NXN: variants seen among roughly 807,000 people sequenced by gnomAD.
NXN encodes the protein nucleoredoxin 1.
In NXN, 16 loss-of-function variants were observed where a neutral mutation model predicts 48.6. That is an observed-to-expected ratio of 0.33 (90% confidence interval 0.22 to 0.50). The LOEUF (loss-of-function observed/expected upper bound fraction) is 0.50, where lower values mean the gene tolerates loss of function less well. NXN is among the 20% of genes least tolerant of loss of function. NXN has a pLI of 0.98. For synonymous variants in NXN, 281 were observed against 269.6 expected, an observed-to-expected ratio of 1.04 and a Z score of -0.41; for missense variants, 492 against 605.5, an observed-to-expected ratio of 0.81 and a Z score of 1.97.
intron 1 of NXN, among the ~76,000 whole-genome samples, chr17:961,584 C>CA (rs1477199570): frequency 6.6e-6 from 1 of 152,106 alleles, no homozygotes; most frequent in Non-Finnish European, 1.5e-5. Flanking sequence ...ACAGGATGTA[C>CA]ATTTCATCTG....
At chr17:850,141 A>T (rs2067908382) in intron 1 of NXN, among the ~76,000 whole-genome samples, 1 of 152,176 alleles carries the variant, frequency 6.6e-6, no homozygotes, top group Non-Finnish European at 1.5e-5. Context: ...GCACATCACT[A>T]AATCCTCACT....
intron 1 of NXN, among the ~76,000 whole-genome samples, chr17:829,444 C>A (rs1022944487): frequency 2.7e-5 from 4 of 149,514 alleles, no homozygotes; most frequent in African/African-American, 9.9e-5. Flanking sequence ...TGTGAGCCAC[C>A]GTGCTCGGAC....
intron 1 of NXN, among the ~76,000 whole-genome samples, chr17:903,364 C>A (rs573011241): frequency 6.6e-6 from 1 of 151,846 alleles, no homozygotes; most frequent in South Asian, 2.1e-4. Flanking sequence ...CGCCACCATG[C>A]CCAGTCTCTG....
At chr17:802,806 T>G (rs1911273968) in intron 7 of NXN, among the ~76,000 whole-genome samples, 1 of 152,188 alleles carries the variant, frequency 6.6e-6, no homozygotes, top group African/African-American at 2.4e-5. Context: ...GGTGTCTGGC[T>G]GCCGCCTGCC....
intron 1 of NXN, among the ~76,000 whole-genome samples, chr17:969,931 C>T (rs935022650): frequency 5.3e-5 from 8 of 152,154 alleles, no homozygotes; most frequent in Non-Finnish European, 1.0e-4. Flanking sequence ...GTAGAAACAG[C>T]ACTTGAATTT....
At position 880,545 on chromosome 17, in the gene NXN, G is replaced by A. The variant is rs113370263; in HGVS notation, c.361-54467C>T. Among the ~76,000 whole-genome samples, 878 of 152,236 alleles carry A rather than the reference G, an allele frequency of 5.8e-3. 17 individuals carry two copies. The highest frequency in any genetic ancestry group is 0.02 in the African/African-American group (839 of 41,526). On this transcript the variant is annotated intron_variant, in intron 1 of 7. Transcript: ENST00000336868. ...ACATGTGGTCAAGTTAAAAAAGATC[G>A]TTTGAACCTAGCTCAGCCAGGCCAG...
At chr17:872,307 GGAGAGA>G (rs145558544) in intron 1 of NXN, among the ~76,000 whole-genome samples, 2 of 147,746 alleles carry the variant, frequency 1.4e-5, no homozygotes, top group East Asian at 2.0e-4. Context: ...TCAAAGACTA[GGAGAGA>G]GAGAGAGAGA....
chr17:890,090 T>C (rs1182352730), intron 1 of NXN, among the ~76,000 whole-genome samples: 1 of 152,038 alleles, frequency 6.6e-6, no homozygotes, highest in Non-Finnish European at 1.5e-5. Context: ...GGATCTTAAT[T>C]AAACAGTATC....
rs761348785 is a variant in NXN, at chr17:870,847, T to TTTTATTTA, written c.361-44777_361-44770dup. ...CTCTCACACTTCTGGTGCTACATGCTTTTATTTATTTATTTATTTATTTAT... is the reference window on the plus strand; with the variant it reads ...CTCTCACACTTCTGGTGCTACATGCTTTTATTTATTTATTTATTTATTTATTTATTTAT... On this transcript the variant is annotated intron_variant, in intron 1 of 7. Transcript: ENST00000336868. 1.0e-3 allele frequency among the ~76,000 whole-genome samples: 152 copies of TTTTATTTA among 151,628 alleles called. 2 individuals are homozygous for TTTTATTTA. In the South Asian group the frequency reaches 0.017, roughly 17 times the overall value.
At chr17:841,533 G>A (rs74842871) in intron 1 of NXN, among the ~76,000 whole-genome samples, 988 of 19,332 alleles carry the variant, frequency 0.051, 69 homozygotes, top group Middle Eastern at 0.094. Flanking sequence ...CCCCGACCAT[G>A]GAGCATCTCA....
Position 898,966 on chromosome 17 carries a change from CT to C in NXN, c.361-72889del, listed in dbSNP as rs1374415387. On this transcript the variant is annotated intron_variant, in intron 1 of 7. Transcript: ENST00000336868. ...CTCTGTGCATGCTTTTTTTTTTTTTCTTTTTTTTTGAGACAGAGCCTTGCTC... is the reference window on the plus strand; with the variant it reads ...CTCTGTGCATGCTTTTTTTTTTTTTCTTTTTTTTGAGACAGAGCCTTGCTC... Among the ~76,000 whole-genome samples, 3 of 36,410 alleles carry C rather than the reference CT, an allele frequency of 8.2e-5. 1 individual carries two copies. The highest frequency in any genetic ancestry group is 1.1e-4 in the African/African-American group (2 of 18,148). The allele number at this position is 36,410 out of a possible 152,430, so 23.9% of individuals were successfully genotyped here.
At chr17:813,600 T>G (rs1221829435) in intron 5 of NXN, among the ~76,000 whole-genome samples, 1 of 152,252 alleles carries the variant, frequency 6.6e-6, no homozygotes, top group Non-Finnish European at 1.5e-5. Flanking sequence ...ATCAAACTCA[T>G]GCCACTGACG....
At chr17:828,051 C>G (rs143955847) in intron 1 of NXN, among the ~76,000 whole-genome samples, 66 of 152,292 alleles carry the variant, frequency 4.3e-4, no homozygotes, top group African/African-American at 1.6e-3. Context: ...GGGGGGCTTA[C>G]AAAACCAGCC....
At chr17:975,023 C>T (rs1389399850) in intron 1 of NXN, among the ~76,000 whole-genome samples, 1 of 151,998 alleles carries the variant, frequency 6.6e-6, no homozygotes, top group East Asian at 1.9e-4. Flanking sequence ...CAATGTTTCA[C>T]CATGTTGCCC....
At chr17:896,856 C>CGGGGGGGG in intron 1 of NXN, 6 of 1,156,928 alleles carry the variant, frequency 5.2e-6, no homozygotes, top group Non-Finnish European at 6.7e-6. Context: ...CGGTCCTGAC[C>CGGGGGGGG]ACCCGCCCCC....
At chr17:873,402 C>A (rs1469198123) in intron 1 of NXN, among the ~76,000 whole-genome samples, 1 of 148,788 alleles carries the variant, frequency 6.7e-6, no homozygotes, top group Non-Finnish European at 1.5e-5. Flanking sequence ...GAGGCTGAGA[C>A]AGGAGAATTG....
chr17:889,755 GAA>G (rs1430852171), intron 1 of NXN, among the ~76,000 whole-genome samples: 12,603 of 91,646 alleles, frequency 0.14, 1,073 homozygotes, highest in East Asian at 0.21. Context: ...AAGAAAGAAA[GAA>G]AGAAAAAGAA....
intron 1 of NXN, among the ~76,000 whole-genome samples, chr17:973,844 T>A: frequency 6.6e-6 from 1 of 151,630 alleles, no homozygotes; most frequent in Non-Finnish European, 1.5e-5. Flanking sequence ...CACACCTGGT[T>A]AATTTTGTAT....
chr17:935,816 G>A (rs773072381), intron 1 of NXN, among the ~76,000 whole-genome samples: 6 of 152,216 alleles, frequency 3.9e-5, no homozygotes, highest in Non-Finnish European at 8.8e-5. Flanking sequence ...GCCTAGGCCG[G>A]GCGCAGTGAC....
Sources: gnomAD v4.1 joint callset for allele counts (sites outside exome capture counted in the v4.1 genomes callset) on GRCh38, gnomAD v4.1.1 for gene constraint, MANE v1.5 for transcripts, NCBI Gene and HGNC (gene_info 2026-07-23, HGNC 2026-07-21) for gene names.